Variants in GRID2 observed in about 807,000 individuals in gnomAD.
GRID2 encodes glutamate receptor ionotropic, delta-2.
A neutral mutation model predicts 114.8 loss-of-function variants in GRID2; 33 were observed. That is an observed-to-expected ratio of 0.29 (90% confidence interval 0.22 to 0.38). The LOEUF (loss-of-function observed/expected upper bound fraction) is 0.38, where lower values mean the gene tolerates loss of function less well. Among genes scored for constraint, GRID2 ranks in the 10% least tolerant of loss-of-function variants. The pLI is 1.00. For missense variants in GRID2, 1,184 were observed against 1,257.7 expected (o/e 0.94, Z 0.89); for synonymous variants, 505 against 449.9 (o/e 1.12, Z -1.55).
chr4:93,106,995 A>G, intron 3 of GRID2, among the ~76,000 whole-genome samples: 1 of 152,170 alleles, frequency 6.6e-6, no homozygotes, highest in East Asian at 1.9e-4. Flanking sequence ...ATCTTTGAAG[A>G]CTTCTATAAG....
At chr4:92,775,455 A>G (rs946003874) in intron 2 of GRID2, among the ~76,000 whole-genome samples, 6 of 152,192 alleles carry the variant, frequency 3.9e-5, no homozygotes, top group Non-Finnish European at 8.8e-5. Flanking sequence ...TTTATGTATC[A>G]ACCTTCCAAG....
intron 2 of GRID2, among the ~76,000 whole-genome samples, chr4:92,797,947 T>C (rs1051419904): frequency 3.9e-5 from 6 of 151,976 alleles, no homozygotes. Context: ...CAATACTTGA[T>C]AAAGTTTTTA....
At chr4:93,171,286 C>T (rs558798593) in intron 4 of GRID2, among the ~76,000 whole-genome samples, 1 of 152,240 alleles carries the variant, frequency 6.6e-6, no homozygotes, top group South Asian at 2.1e-4. Flanking sequence ...TGTGGTCTTT[C>T]CTCCTGACTT....
chr4:93,653,912 A>G (rs1262945008), intron 14 of GRID2, among the ~76,000 whole-genome samples: 1 of 152,198 alleles, frequency 6.6e-6, no homozygotes, highest in Admixed American at 6.5e-5. Context: ...TTTATTTGCC[A>G]TCTATGAAAT....
At chr4:93,139,395 A>G (rs902115418) in intron 4 of GRID2, among the ~76,000 whole-genome samples, 5 of 152,178 alleles carry the variant, frequency 3.3e-5, no homozygotes, top group Non-Finnish European at 7.3e-5. Context: ...CTGAAGTCAG[A>G]GGCTTCCATA....
intron 2 of GRID2, among the ~76,000 whole-genome samples, chr4:92,794,331 G>T (rs1173682358): frequency 1.3e-5 from 2 of 151,656 alleles, no homozygotes; most frequent in African/African-American, 4.8e-5. Flanking sequence ...TCTTCTGCCT[G>T]CAAATTTATA....
intron 8 of GRID2, among the ~76,000 whole-genome samples, chr4:93,375,746 A>T (rs1258794587): frequency 2.0e-5 from 3 of 152,202 alleles, no homozygotes; most frequent in African/African-American, 7.2e-5. Flanking sequence ...GGTTAATCAA[A>T]TAATTACTGA....
Position 93,626,368 on chromosome 4 carries a change from G to T in GRID2, c.2293G>T (p.Val765Phe), listed in dbSNP as rs779506092. The change falls in exon 14 of 16, where the codon GTT (valine) becomes TTT (phenylalanine). Residue 765 changes from valine to phenylalanine, a missense_variant. Val to Phe is a conservative substitution (Grantham distance 50). Coordinates refer to ENST00000282020, the MANE Select transcript of GRID2 (RefSeq NM_001510.4). ...TTCCTTTTACACCATTGGAAATACT[G>T]TTGCTGATCGGGGATATGGAATTGC... Reference protein sequence around the residue: ...DCSFYTIGNTVADRGYGIALQ... With the variant: ...DCSFYTIGNTFADRGYGIALQ... 6.2e-7 allele frequency: 1 copy of T among 1,609,652 alleles called. No individual in the cohort carries two copies. Among genetic ancestry groups the T allele is most frequent in the Non-Finnish European group, 8.5e-7 (1 of 1,176,206 alleles).
At chr4:93,644,366 T>G (rs987327954) in intron 14 of GRID2, among the ~76,000 whole-genome samples, 1 of 152,032 alleles carries the variant, frequency 6.6e-6, no homozygotes, top group South Asian at 2.1e-4. Flanking sequence ...ATGATATTTT[T>G]ACCAATGTTC....
chr4:92,853,650 G>A (rs1003613815), intron 2 of GRID2, among the ~76,000 whole-genome samples: 1 of 151,886 alleles, frequency 6.6e-6, no homozygotes, highest in African/African-American at 2.4e-5. Flanking sequence ...TATTAAATTA[G>A]TTAAAATTAT....
chr4:93,086,595 T>G (rs2149323778), intron 3 of GRID2, among the ~76,000 whole-genome samples: 1 of 152,294 alleles, frequency 6.6e-6, no homozygotes, highest in African/African-American at 2.4e-5. Flanking sequence ...TCTGTGGCAC[T>G]CTCTGGAAAC....
At chr4:92,610,597 A>C (rs959976235) in intron 2 of GRID2, among the ~76,000 whole-genome samples, 2 of 151,334 alleles carry the variant, frequency 1.3e-5, no homozygotes, top group Non-Finnish European at 3.0e-5. Context: ...CTGAGACATC[A>C]TTTAGTTCAT....
chr4:93,621,059 C>T (rs1742177877), intron 13 of GRID2, among the ~76,000 whole-genome samples: 2 of 152,272 alleles, frequency 1.3e-5, no homozygotes, highest in Admixed American at 6.5e-5. Flanking sequence ...GGGCCCAAGT[C>T]TTACCTTTAT....
Position 92,897,617 on chromosome 4 carries a change from A to G in GRID2, c.245-187378A>G, listed in dbSNP as rs137859765. 4.6e-3 allele frequency among the ~76,000 whole-genome samples: 698 copies of G among 152,264 alleles called. 6 individuals are homozygous for G. The highest frequency in any genetic ancestry group is 0.016 in the African/African-American group (664 of 41,548). On this transcript the variant is annotated intron_variant, in intron 2 of 15. Transcript: ENST00000282020. ...GTAAACAGAAAATCTTTCACTGCCA[A>G]ATTTGAACTTGGAGTAGGGGGTCTT... is the stretch of plus-strand genomic sequence containing the variant.
chr4:93,721,589 T>A (rs540980547), intron 14 of GRID2, among the ~76,000 whole-genome samples: 11 of 152,176 alleles, frequency 7.2e-5, no homozygotes, highest in Admixed American at 4.6e-4. Context: ...TCTGTCAAAT[T>A]GTTATAATAA....
At chr4:93,002,565 A>C (rs571589379) in intron 2 of GRID2, among the ~76,000 whole-genome samples, 1 of 151,934 alleles carries the variant, frequency 6.6e-6, no homozygotes, top group East Asian at 1.9e-4. Context: ...GCAAAGAGTA[A>C]ATTTGGTCAA....
chr4:92,473,963 GTTGT>G (rs1310343408), intron 1 of GRID2, among the ~76,000 whole-genome samples: 2 of 89,876 alleles, frequency 2.2e-5, no homozygotes, highest in African/African-American at 4.3e-5. Context: ...TGTTATCTTG[GTTGT>G]GTGTGTGTGT....
At chr4:92,973,350 C>G (rs1234538530) in intron 2 of GRID2, among the ~76,000 whole-genome samples, 1 of 152,074 alleles carries the variant, frequency 6.6e-6, no homozygotes, top group African/African-American at 2.4e-5. Flanking sequence ...GAGTTTGGAT[C>G]CCATACTCTC....
chr4:92,929,184 TC>T (rs1452602753), intron 2 of GRID2, among the ~76,000 whole-genome samples: 1 of 151,390 alleles, frequency 6.6e-6, no homozygotes, highest in East Asian at 1.9e-4. Flanking sequence ...TAAAAGAACA[TC>T]TTTTTTTTTA....
Sources: gnomAD v4.1 joint callset for allele counts (sites outside exome capture counted in the v4.1 genomes callset) on GRCh38, gnomAD v4.1.1 for gene constraint, MANE v1.5 for transcripts, NCBI Gene and HGNC (gene_info 2026-07-23, HGNC 2026-07-21) for gene names.